CLEC20A: variants seen among roughly 807,000 people sequenced by gnomAD.
CLEC20A encodes the protein putative C-type lectin domain family 20 member A.
In CLEC20A at chr1:178,492,697, C is replaced by T. The variant is rs773556229; in HGVS notation, c.398-131G>A. On this transcript the variant is annotated intron_variant, in intron 2 of 7. Coordinates refer to ENST00000623247, the Ensembl canonical transcript of CLEC20A. The stretch of plus-strand genomic sequence containing the variant: ...TGGTCCATCCCTTTCCACATCGATT[C>T]AATCCATTCAATAAATACTGGGCAC... The T allele has an allele frequency of 5.8e-4, 229 of 397,002 alleles. 3 individuals carry two copies. Among genetic ancestry groups the T allele is most frequent in the Admixed American group, 1.0e-3 (23 of 22,680 alleles). 24.6% of individuals were successfully genotyped at this position (397,002 alleles called of 1,614,324 possible).
chr1:178,499,289 T>C (rs544464518), upstream of CLEC20A, among the ~76,000 whole-genome samples: 18 of 152,358 alleles, frequency 1.2e-4, no homozygotes, highest in African/African-American at 4.3e-4. Flanking sequence ...ATTATGTTTA[T>C]CATTAGTAGC....
At chr1:178,490,238 G>A (rs370522926) in exon 4 of CLEC20A, 20 of 398,622 alleles carry the variant, frequency 5.0e-5, no homozygotes, top group East Asian at 3.2e-4. Flanking sequence ...TCAGAGATCC[G>A]GAGTTTGCAT....
chr1:178,486,394 TG>T (rs1649144949), intron 5 of CLEC20A: 1 of 398,668 alleles, frequency 2.5e-6, no homozygotes, highest in Non-Finnish European at 4.4e-6. Context: ...TGGGCCTGCC[TG>T]GGGTGGAGGT....
At chr1:178,499,081 C>T (rs1035958585), upstream of CLEC20A, among the ~76,000 whole-genome samples, 9 of 152,160 alleles carry the variant, frequency 5.9e-5, no homozygotes, top group African/African-American at 2.2e-4. Flanking sequence ...CAGTCGTCTC[C>T]CTCAAGTCTT....
At chr1:178,486,535 C>T (rs1649148476) in intron 5 of CLEC20A, 2 of 398,792 alleles carry the variant, frequency 5.0e-6, no homozygotes, top group Non-Finnish European at 8.8e-6. Context: ...CACGGCTGGG[C>T]TCCCTAAGCC....
At chr1:178,496,513 C>T in intron 1 of CLEC20A, 1 of 199,688 alleles carries the variant, frequency 5.0e-6, no homozygotes, top group East Asian at 1.1e-4. Context: ...AGAACCCTTG[C>T]CGCCCCCTGG....
At chr1:178,497,453 A>T (rs1248724091), upstream of CLEC20A, among the ~76,000 whole-genome samples, 1 of 152,186 alleles carries the variant, frequency 6.6e-6, no homozygotes, top group African/African-American at 2.4e-5. Flanking sequence ...CATTCCAGAG[A>T]GGGCCCTGCT....
chr1:178,499,544 C>T (rs1452972596), upstream of CLEC20A: 4 of 152,232 alleles, frequency 2.6e-5, no homozygotes, highest in Admixed American at 6.5e-5. Context: ...ATCGTTCTCC[C>T]GTGCTCGATG....
chr1:178,492,498 T>C lies in CLEC20A; in HGVS notation c.463+3A>G. 2.5e-6 allele frequency: 1 copy of C among 398,382 alleles called. No individual in the cohort carries two copies. Among genetic ancestry groups the C allele is most frequent in the Non-Finnish European group, 4.4e-6 (1 of 226,036 alleles). 24.7% of individuals were successfully genotyped at this position (398,382 alleles called of 1,614,324 possible). A position where few individuals can be genotyped will look rare whatever the true frequency, so the allele number is the denominator to read the frequency against. ...GAAAAGGGAATGGGGAGCAGGTATG[T>C]ACCTGGCTTTGGAGAGGTGGTCAGG... is the stretch of plus-strand genomic sequence containing the variant. On this transcript the variant is annotated splice_donor_region_variant and intron_variant, in intron 3 of 7. Coordinates refer to ENST00000623247, the Ensembl canonical transcript of CLEC20A.
chr1:178,498,419 C>CT (rs1649449854), upstream of CLEC20A, among the ~76,000 whole-genome samples: 2 of 152,138 alleles, frequency 1.3e-5, no homozygotes, highest in Non-Finnish European at 2.9e-5. Flanking sequence ...TAGTGAGACT[C>CT]CATCTCTACA....
exon 2 of CLEC20A, chr1:178,494,531 G>A (rs201541083): frequency 6.0e-4 from 238 of 399,560 alleles, no homozygotes; most frequent in Non-Finnish European, 6.6e-4. Context: ...AGTGTACAGC[G>A]TGGCACAGAA....
At chr1:178,483,712 A>C (rs1453365422) in intron 5 of CLEC20A, 2 of 153,120 alleles carry the variant, frequency 1.3e-5, no homozygotes, top group Admixed American at 1.3e-4. Context: ...GCTCTCCCCC[A>C]GCACCCCCTC....
At chr1:178,496,799 A>C (rs567401763) in intron 1 of CLEC20A, 101 bp downstream of exon 1, 1 of 398,508 alleles carries the variant, frequency 2.5e-6, no homozygotes, top group South Asian at 1.3e-4. Flanking sequence ...CCTCCCTCCA[A>C]CCTGGAAATC....
upstream of CLEC20A, among the ~76,000 whole-genome samples, chr1:178,499,035 T>C (rs1649465732): frequency 6.6e-6 from 1 of 152,190 alleles, no homozygotes; most frequent in Non-Finnish European, 1.5e-5. Flanking sequence ...TGGAAGATGC[T>C]GCCCTGCCAG....
chr1:178,484,598 C>T (rs375935391), intron 5 of CLEC20A: 6 of 152,224 alleles, frequency 3.9e-5, no homozygotes, highest in African/African-American at 1.4e-4. Context: ...GGGAGAATCG[C>T]TTGAACCCAG....
upstream of CLEC20A, among the ~76,000 whole-genome samples, chr1:178,498,107 G>A (rs181852328): frequency 1.6e-3 from 247 of 152,242 alleles, 1 homozygote; most frequent in African/African-American, 5.8e-3. Flanking sequence ...GTGGCTCAGA[G>A]AAGTGAAACA....
intron 1 of CLEC20A, 106 bp downstream of exon 1, chr1:178,496,794 C>T: frequency 2.5e-6 from 1 of 398,656 alleles, no homozygotes. Context: ...CCTTGCCTCC[C>T]TCCAACCTGG....
At chr1:178,495,858 A>T (rs1649376391) in intron 1 of CLEC20A, 1 of 152,388 alleles carries the variant, frequency 6.6e-6, no homozygotes, top group South Asian at 2.1e-4. Context: ...CTGTCTGCCC[A>T]GGCCCTGCCT....
chr1:178,482,852 A>G (rs1649025658), intron 6 of CLEC20A: 2 of 224,458 alleles, frequency 8.9e-6, no homozygotes, highest in Non-Finnish European at 1.7e-5. Flanking sequence ...TCATAATAAG[A>G]CTATATTTGC....
Sources: gnomAD v4.1 joint callset for allele counts (sites outside exome capture counted in the v4.1 genomes callset) on GRCh38, gnomAD v4.1.1 for gene constraint, MANE v1.5 for transcripts, NCBI Gene and HGNC (gene_info 2026-07-23, HGNC 2026-07-21) for gene names.